The following PRKCB variants were observed in gnomAD, a reference collection of about 807,000 sequenced individuals.
The protein encoded by PRKCB is protein kinase C beta.
A neutral mutation model predicts 81.5 loss-of-function variants in PRKCB; 13 were observed. The observed-to-expected ratio is 0.16, with a 90% CI of 0.10 to 0.25. The LOEUF is 0.25. Among genes scored for constraint, PRKCB ranks in the 10% least tolerant of loss-of-function variants. The probability of loss-of-function intolerance (pLI) is 1.00; values close to 1 mark genes in which losing one functional copy is unlikely to be tolerated. For missense variants in PRKCB, 509 were observed against 875.7 expected (o/e 0.58, Z 5.29); for synonymous variants, 335 against 321.4 (o/e 1.04, Z -0.45).
At chr16:24,010,204 G>A (rs1368287342) in intron 3 of PRKCB, among the ~76,000 whole-genome samples, 2 of 152,118 alleles carry the variant, frequency 1.3e-5, no homozygotes, top group Non-Finnish European at 1.5e-5. Flanking sequence ...TGTCCCATTG[G>A]CCCATTGAAC....
chr16:23,943,440 G>A (rs1470260328), intron 2 of PRKCB, among the ~76,000 whole-genome samples: 1 of 152,102 alleles, frequency 6.6e-6, no homozygotes, highest in Admixed American at 6.6e-5. Flanking sequence ...GAGGCGGGAG[G>A]ATCACTGGAG....
intron 2 of PRKCB, among the ~76,000 whole-genome samples, chr16:23,985,983 A>G (rs1268299972): frequency 1.3e-5 from 2 of 152,190 alleles, no homozygotes; most frequent in East Asian, 3.9e-4. Flanking sequence ...TATTCAATAA[A>G]GGATGCTGGG....
chr16:23,881,873 T>G (rs1963113695), intron 2 of PRKCB, among the ~76,000 whole-genome samples: 1 of 152,132 alleles, frequency 6.6e-6, no homozygotes, highest in Non-Finnish European at 1.5e-5. Context: ...CTGCTTCCTG[T>G]TTCTATGAGT....
chr16:23,869,978 C>T (rs1013579515), intron 2 of PRKCB, among the ~76,000 whole-genome samples: 10 of 150,604 alleles, frequency 6.6e-5, no homozygotes, highest in African/African-American at 2.2e-4. Flanking sequence ...GCCGAGATCG[C>T]GCCATTGCAC....
At chr16:24,123,729 G>T in intron 8 of PRKCB, 106 bp from the exon 9 acceptor site, 1 of 1,194,090 alleles carries the variant, frequency 8.4e-7, no homozygotes, top group South Asian at 1.5e-5. Flanking sequence ...CATGGGGACA[G>T]GGTGCCGGAG....
chr16:23,990,077 A>G (rs757966567), intron 3 of PRKCB, among the ~76,000 whole-genome samples: 3 of 152,186 alleles, frequency 2.0e-5, no homozygotes, highest in Non-Finnish European at 4.4e-5. Context: ...TGGAAAACTT[A>G]AAAGAACCGT....
chr16:24,094,403 C>T (rs1966413602), intron 7 of PRKCB, 106 bp downstream of exon 7: 2 of 1,415,726 alleles, frequency 1.4e-6, no homozygotes, highest in Non-Finnish European at 1.9e-6. Context: ...AAAACAGAGT[C>T]CCAAAGTGAA....
At chr16:23,918,844 A>T (rs1963782881) in intron 2 of PRKCB, among the ~76,000 whole-genome samples, 1 of 152,268 alleles carries the variant, frequency 6.6e-6, no homozygotes, top group East Asian at 1.9e-4. Flanking sequence ...GAAAAAAAAT[A>T]GAGTGCTATA....
chr16:24,016,324 A>G (rs1027450095), intron 3 of PRKCB, among the ~76,000 whole-genome samples: 1 of 152,118 alleles, frequency 6.6e-6, no homozygotes, highest in African/African-American at 2.4e-5. Flanking sequence ...CTAGAAATAC[A>G]TCTCTGGAAG....
At chr16:24,013,425 C>A (rs767508574) in intron 3 of PRKCB, among the ~76,000 whole-genome samples, 4 of 152,140 alleles carry the variant, frequency 2.6e-5, no homozygotes, top group Non-Finnish European at 5.9e-5. Context: ...AGCTGTGTGA[C>A]CTTGGGCGAG....
chr16:23,911,725 G>A (rs568172260), intron 2 of PRKCB, among the ~76,000 whole-genome samples: 14 of 151,820 alleles, frequency 9.2e-5, no homozygotes, highest in Non-Finnish European at 2.1e-4. Flanking sequence ...CTGTTCCCAG[G>A]AGCCTCAGTG....
intron 5 of PRKCB, among the ~76,000 whole-genome samples, chr16:24,075,997 T>C (rs1294467570): frequency 1.3e-5 from 2 of 152,284 alleles, no homozygotes; most frequent in East Asian, 1.9e-4. Flanking sequence ...AATGTGCAGG[T>C]TTGTTACCTA....
chr16:23,912,507 C>CATTT (rs1963675554), intron 2 of PRKCB, among the ~76,000 whole-genome samples: 12 of 72,080 alleles, frequency 1.7e-4, no homozygotes, highest in Admixed American at 2.3e-4. Context: ...TTTCTTTCTT[C>CATTT]TTTTTTTTTT....
At chr16:23,969,249 G>A (rs577438979) in intron 2 of PRKCB, among the ~76,000 whole-genome samples, 16 of 152,162 alleles carry the variant, frequency 1.1e-4, no homozygotes, top group Non-Finnish European at 2.2e-4. Flanking sequence ...TCCATGGGGA[G>A]TTTAAAGTGA....
At chr16:23,982,128 C>A in intron 2 of PRKCB, among the ~76,000 whole-genome samples, 1 of 37,324 alleles carries the variant, frequency 2.7e-5, no homozygotes, top group Non-Finnish European at 5.3e-5. Context: ...CTTCCCCTTC[C>A]CTTCCCTTTC....
At chr16:23,998,938 A>G (rs538331213) in intron 3 of PRKCB, among the ~76,000 whole-genome samples, 1 of 152,132 alleles carries the variant, frequency 6.6e-6, no homozygotes, top group Non-Finnish European at 1.5e-5. Context: ...GCATGAGGAG[A>G]GCAGGAAGTA....
intron 15 of PRKCB, 106 bp from the exon 16 acceptor site, chr16:24,190,984 C>G: frequency 2.6e-4 from 324 of 1,248,258 alleles, no homozygotes; most frequent in Middle Eastern, 4.0e-4. Context: ...AGTTGAGATT[C>G]TTCATTTGCG....
At chr16:23,857,422 G>A (rs568087454) in intron 2 of PRKCB, among the ~76,000 whole-genome samples, 3 of 152,316 alleles carry the variant, frequency 2.0e-5, no homozygotes, top group Non-Finnish European at 4.4e-5. Context: ...GGAACAGTAT[G>A]CCAGCACGGA....
chr16:23,869,109 TG>T (rs1447603674), intron 2 of PRKCB: 3 of 453,812 alleles, frequency 6.6e-6, no homozygotes, highest in Admixed American at 4.7e-5. Flanking sequence ...CATGTCTACT[TG>T]CAGAAGGGAC....
Sources: gnomAD v4.1 joint callset for allele counts (sites outside exome capture counted in the v4.1 genomes callset) on GRCh38, gnomAD v4.1.1 for gene constraint, MANE v1.5 for transcripts, NCBI Gene and HGNC (gene_info 2026-07-23, HGNC 2026-07-21) for gene names.